MYO1E: variants seen among roughly 807,000 people sequenced by gnomAD.
MYO1E encodes the protein myosin IE, also known as unconventional myosin-Ie.
In MYO1E, 68 loss-of-function variants were observed where a neutral mutation model predicts 151.1. The observed-to-expected ratio is 0.45, with a 90% CI of 0.37 to 0.55. MYO1E has a LOEUF of 0.55. MYO1E is among the 20% of genes least tolerant of loss of function. MYO1E has a pLI of 0.00. For synonymous variants in MYO1E, 601 were observed against 501.7 expected, an observed-to-expected ratio of 1.20 and a Z score of -2.64; for missense variants, 1,363 against 1,389.3, an observed-to-expected ratio of 0.98 and a Z score of 0.30.
Position 59,171,916 on chromosome 15 carries a change from T to A in MYO1E, c.2461A>T (p.Ile821Phe). ...VLKRKIEIER[I>F]LSVSLSTMQD... is the part of the protein sequence containing the mutation. ...ACTCACCTGAGGGACACAGACAAGA[T>A]CCGTTCTATCTCGATTTTCCGCTTC... Residue 821 changes from isoleucine to phenylalanine, a missense_variant, in exon 22 of 28, where the codon ATC (isoleucine) becomes TTC (phenylalanine). Physicochemically the swap from Ile to Phe is conservative, Grantham distance 21. Transcript: ENST00000288235. 6.2e-7 allele frequency: 1 copy of A among 1,614,192 alleles called. No homozygotes were observed. Among genetic ancestry groups the A allele is most frequent in the Non-Finnish European group, 8.5e-7 (1 of 1,180,034 alleles).
At chr15:59,268,099 T>C (rs2080267263) in intron 2 of MYO1E, among the ~76,000 whole-genome samples, 1 of 152,226 alleles carries the variant, frequency 6.6e-6, no homozygotes, top group South Asian at 2.1e-4. Flanking sequence ...GTCTTAACAA[T>C]TAAACATAGG....
intron 2 of MYO1E, among the ~76,000 whole-genome samples, chr15:59,262,441 A>T (rs2080229526): frequency 6.6e-6 from 1 of 151,560 alleles, no homozygotes; most frequent in Non-Finnish European, 1.5e-5. Context: ...ACATAGCAAA[A>T]CTCCATCTCT....
chr15:59,179,272 T>C (rs1234732921), intron 18 of MYO1E, among the ~76,000 whole-genome samples: 2 of 152,078 alleles, frequency 1.3e-5, no homozygotes, highest in African/African-American at 4.8e-5. Context: ...CAAAAACTGC[T>C]CTCTTGTTAG....
intron 18 of MYO1E, among the ~76,000 whole-genome samples, chr15:59,187,168 C>T (rs1203536702): frequency 2.6e-5 from 4 of 152,142 alleles, no homozygotes; most frequent in Non-Finnish European, 5.9e-5. Context: ...ACTAAACAGA[C>T]AGCCTAATGA....
intron 13 of MYO1E, chr15:59,209,111 T>C (rs2079860165): frequency 1.9e-6 from 1 of 527,406 alleles, no homozygotes; most frequent in East Asian, 3.3e-5. Flanking sequence ...CAGATCATTA[T>C]CTGCTCACTC....
chr15:59,197,075 C>T (rs2079771893), intron 16 of MYO1E, among the ~76,000 whole-genome samples: 1 of 129,926 alleles, frequency 7.7e-6, no homozygotes, highest in Non-Finnish European at 1.6e-5. Context: ...TCATTGCAAC[C>T]TCTGCCTCCC....
At chr15:59,170,575 C>A (rs537188063) in intron 22 of MYO1E, among the ~76,000 whole-genome samples, 1 of 151,172 alleles carries the variant, frequency 6.6e-6, no homozygotes, top group South Asian at 2.1e-4. Context: ...AATCAGTCAG[C>A]GCCTAGAGCT....
At chr15:59,268,079 G>C (rs529592091) in intron 2 of MYO1E, among the ~76,000 whole-genome samples, 2 of 152,322 alleles carry the variant, frequency 1.3e-5, no homozygotes, top group East Asian at 3.9e-4. Flanking sequence ...GTGAAATCAA[G>C]TCTCTTCTCG....
chr15:59,372,421 AAG>A, intron 1 of MYO1E, 75 bp downstream of exon 1: 1 of 1,525,392 alleles, frequency 6.6e-7, no homozygotes, highest in Non-Finnish European at 8.8e-7. Context: ...CAGCGCGCCC[AAG>A]GTGGGTGCAC....
intron 23 of MYO1E, 79 bp from the exon 24 acceptor site, chr15:59,161,309 T>C (rs973815098): frequency 1.3e-6 from 2 of 1,494,932 alleles, no homozygotes; most frequent in East Asian, 2.3e-5. Flanking sequence ...CACGGAGTTC[T>C]GCTGCTGGAA....
In MYO1E at chr15:59,163,216, G is replaced by C; in HGVS notation, c.2568C>G (p.Leu856=). ...TCTTCTCCTCGTAACGCTTTGCTAA[G>C]AGGCTTAGGAATTCAGTTTTGAAGA... The part of the protein sequence containing the change: ...ESVFKTEFLS[L]LAKRYEEKTQ... Residue 856 remains leucine, a synonymous_variant, in exon 23 of 28, where the codon CTC becomes CTG. Transcript: ENST00000288235. 6.2e-7 allele frequency: 1 copy of C among 1,614,164 alleles called. No individual in the cohort carries two copies. Among genetic ancestry groups the C allele is most frequent in the Admixed American group, 1.7e-5 (1 of 60,016 alleles).
chr15:59,326,602 C>T (rs7163650), intron 1 of MYO1E, among the ~76,000 whole-genome samples: 28,347 of 152,148 alleles, frequency 0.19, 3,295 homozygotes, highest in African/African-American at 0.32. Flanking sequence ...GTCGTATCGA[C>T]ACGTGATAAC....
chr15:59,299,483 G>C (rs1361088196), intron 1 of MYO1E, among the ~76,000 whole-genome samples: 2 of 152,168 alleles, frequency 1.3e-5, no homozygotes, highest in African/African-American at 4.8e-5. Context: ...CTTATGTTAG[G>C]CCTTGGGGAT....
At chr15:59,367,848 G>C (rs988358327) in intron 1 of MYO1E, among the ~76,000 whole-genome samples, 1 of 152,180 alleles carries the variant, frequency 6.6e-6, no homozygotes, top group East Asian at 1.9e-4. Context: ...GGCCGGGCGT[G>C]GTGGCTCACG....
rs1143656 is a variant in MYO1E, at chr15:59,372,509, G to A, written c.-9C>T. ...CGCGGCCAACTCACCATGGTGACTCGCGCCGCGGTCGCGTCTTCGCCGGGT... is the reference window on the plus strand; with the variant it reads ...CGCGGCCAACTCACCATGGTGACTCACGCCGCGGTCGCGTCTTCGCCGGGT... On this transcript the variant is annotated 5_prime_UTR_variant, in exon 1 of 28. Transcript: ENST00000288235. 3 of 1,536,396 alleles carry A rather than the reference G, an allele frequency of 2.0e-6. No individual in the cohort carries two copies. The highest frequency in any genetic ancestry group is 2.0e-5 in the Admixed American group (1 of 50,822).
At position 59,134,556 on chromosome 15, in the gene MYO1E, GTCTC is replaced by G. The variant is rs771221988; in HGVS notation, c.*2820_*2823del. 1 of 152,090 alleles carries G rather than the reference GTCTC, an allele frequency of 6.6e-6. No homozygotes were observed. The highest frequency in any genetic ancestry group is 2.4e-5 in the African/African-American group (1 of 41,418). 9.4% of individuals were successfully genotyped at this position (152,090 alleles called of 1,614,324 possible). On this transcript the variant is annotated 3_prime_UTR_variant, in exon 28 of 28. Coordinates refer to ENST00000288235, the MANE Select transcript of MYO1E (RefSeq NM_004998.4). ...GGATACCACCCTTATACAGACCTCT[GTCTC>G]TCTCTCTTCTACAACTAAAGCTTGA... is the stretch of plus-strand genomic sequence containing the variant.
chr15:59,297,202 T>A (rs897578241), intron 1 of MYO1E, among the ~76,000 whole-genome samples: 1 of 151,810 alleles, frequency 6.6e-6, no homozygotes, highest in African/African-American at 2.4e-5. Context: ...ATATTCTAAT[T>A]TTATTATCCC....
At chr15:59,231,583 A>G (rs1443552147) in intron 6 of MYO1E, 119 bp downstream of exon 6, 1 of 1,088,584 alleles carries the variant, frequency 9.2e-7, no homozygotes, top group African/African-American at 1.6e-5. Flanking sequence ...GAAAGATCGA[A>G]GAGGTGGCCT....
chr15:59,187,215 C>T (rs1467812171), intron 18 of MYO1E, among the ~76,000 whole-genome samples: 2 of 151,984 alleles, frequency 1.3e-5, no homozygotes, highest in Non-Finnish European at 2.9e-5. Flanking sequence ...CAATAAATAA[C>T]AGTAAAAGAA....
Sources: allele counts gnomAD v4.1 joint callset (sites outside exome capture counted in the v4.1 genomes callset), GRCh38; gene constraint gnomAD v4.1.1; transcripts MANE v1.5; gene names NCBI Gene and HGNC (gene_info 2026-07-23, HGNC 2026-07-21).